The following LACTB2 variants were observed in gnomAD, a reference collection of about 807,000 sequenced individuals.
The protein encoded by LACTB2 is lactamase beta 2, also known as endoribonuclease LACTB2.
In LACTB2, 32 loss-of-function variants were observed where a neutral mutation model predicts 34.8. The ratio of observed to expected loss-of-function variants is 0.92; its 90% CI spans 0.69 to 1.24. The LOEUF (loss-of-function observed/expected upper bound fraction) is 1.24. Ranked by LOEUF, LACTB2 falls within the 50% of genes most tolerant of loss-of-function variation. The pLI is 0.00. For synonymous variants in LACTB2, 120 were observed against 117.5 expected (o/e 1.02, Z -0.14); for missense variants, 320 against 345.0 (o/e 0.93, Z 0.57).
At chr8:70,661,713 T>C in intron 2 of LACTB2, 21 bp downstream of exon 2, 1 of 1,600,508 alleles carries the variant, frequency 6.2e-7, no homozygotes, top group South Asian at 1.1e-5. Flanking sequence ...TCAATGAGCT[T>C]AATGAATGTT....
At chr8:70,653,355 A>G (rs1818369500) in intron 3 of LACTB2, among the ~76,000 whole-genome samples, 1 of 152,080 alleles carries the variant, frequency 6.6e-6, no homozygotes, top group African/African-American at 2.4e-5. Context: ...TTGGCCTCCC[A>G]AAGTACTGGG....
rs1818221357 is a variant in LACTB2, at chr8:70,643,208, C to CATTTTTTTTTTTTTTTTTTTTTTTTTTTT, written c.592+856_592+857insAAAAAAAAAAAAAAAAAAAAAAAAAAAAT. Among the ~76,000 whole-genome samples the CATTTTTTTTTTTTTTTTTTTTTTTTTTTT allele has an allele frequency of 2.6e-5, 2 of 76,194 alleles. 1 individual carries two copies. The allele number at this position is 76,194 out of a possible 152,430, so 50.0% of individuals were successfully genotyped here. ...AGACAGGACTTAGGGGTGTATTTTCCTTTTTTTTTTTTTTTTTTTTTTTTT... is the reference window on the plus strand; with the variant it reads ...AGACAGGACTTAGGGGTGTATTTTCCATTTTTTTTTTTTTTTTTTTTTTTTTTTTTTTTTTTTTTTTTTTTTTTTTTTTT... On this transcript the variant is annotated intron_variant, in intron 4 of 6. Coordinates refer to ENST00000276590, the MANE Select transcript of LACTB2 (RefSeq NM_016027.3).
intron 5 of LACTB2, among the ~76,000 whole-genome samples, chr8:70,639,228 C>T (rs1316156511): frequency 2.0e-5 from 3 of 151,774 alleles, no homozygotes; most frequent in East Asian, 1.9e-4. Flanking sequence ...GGCGCGATCT[C>T]GGCTCACTGC....
rs765403731 is a variant in LACTB2 at position 70,668,988 on chromosome 8, G to A, written c.122+11C>T. 10 of 1,575,826 alleles carry A rather than the reference G, an allele frequency of 6.3e-6. No individual in the cohort carries two copies. The Admixed American group carries it at 1.7e-4, about 27-fold the overall frequency. ...CTGCGAACGTTGGGGAGGTTGGAGA[G>A]GGACGTTTACCTGGGGCCGGTCCCC... On this transcript the variant is annotated intron_variant, in intron 1 of 6. Coordinates refer to ENST00000276590, the MANE Select transcript of LACTB2 (RefSeq NM_016027.3).
At chr8:70,643,962 G>C (rs1818231590) in intron 4 of LACTB2, 103 bp downstream of exon 4, 1 of 1,206,780 alleles carries the variant, frequency 8.3e-7, no homozygotes, top group African/African-American at 1.6e-5. Context: ...TGAGGTGGGA[G>C]GACTGCTTGA....
At chr8:70,664,059 CT>C (rs1313040672) in intron 1 of LACTB2, among the ~76,000 whole-genome samples, 1 of 152,116 alleles carries the variant, frequency 6.6e-6, no homozygotes, top group East Asian at 1.9e-4. Flanking sequence ...CCCACCCATC[CT>C]AGATTTTGGC....
chr8:70,644,381 T>C, intron 3 of LACTB2, 138 bp from the exon 4 acceptor site: 1 of 511,888 alleles, frequency 2.0e-6, no homozygotes, highest in Non-Finnish European at 3.2e-6. Context: ...TTTCTTTTCT[T>C]GAACCCACTG....
intron 3 of LACTB2, 132 bp from the exon 4 acceptor site, chr8:70,644,375 T>C: frequency 1.8e-6 from 1 of 565,744 alleles, no homozygotes; most frequent in Non-Finnish European, 2.8e-6. Flanking sequence ...CTGCTTTTTC[T>C]TTTCTTGAAC....
chr8:70,643,956 G>A, intron 4 of LACTB2, 109 bp downstream of exon 4: 1 of 1,160,464 alleles, frequency 8.6e-7, no homozygotes, highest in South Asian at 2.4e-5. Context: ...GGAGGTTGAG[G>A]TGGGAGGACT....
chr8:70,651,677 ATTTG>A (rs1215722862), intron 3 of LACTB2: 1 of 134,630 alleles, frequency 7.4e-6, no homozygotes, highest in African/African-American at 3.0e-5. Flanking sequence ...ACAGAAAACA[ATTTG>A]TTTTTCTGTG....
rs66482767 is a variant in LACTB2 at position 70,643,208 on chromosome 8, CTTTTTTTTTTTTTT to C, written c.592+843_592+856del. Among the ~76,000 whole-genome samples, 127 of 76,218 alleles carry C rather than the reference CTTTTTTTTTTTTTT, an allele frequency of 1.7e-3. 2 individuals carry two copies. The highest frequency in any genetic ancestry group is 3.0e-3 in the Admixed American group (16 of 5,418). 50.0% of individuals were successfully genotyped at this position (76,218 alleles called of 152,430 possible). On this transcript the variant is annotated intron_variant, in intron 4 of 6. Transcript: ENST00000276590. The stretch of plus-strand genomic sequence containing the variant: ...AGACAGGACTTAGGGGTGTATTTTC[CTTTTTTTTTTTTTT>C]TTTTTTTTTTTTTTTTTTTGAGACA...
At chr8:70,640,364 G>A (rs540372803) in intron 5 of LACTB2, among the ~76,000 whole-genome samples, 1 of 147,172 alleles carries the variant, frequency 6.8e-6, no homozygotes, top group African/African-American at 2.5e-5. Flanking sequence ...ATATAGTGCT[G>A]TCAATACAGT....
intron 3 of LACTB2, among the ~76,000 whole-genome samples, chr8:70,647,739 A>T (rs1249523778): frequency 6.6e-6 from 1 of 152,192 alleles, no homozygotes; most frequent in East Asian, 1.9e-4. Context: ...AAGTCTAAGG[A>T]TTTAGGAAAT....
At chr8:70,653,480 T>C (rs1818371332) in intron 3 of LACTB2, among the ~76,000 whole-genome samples, 1 of 152,216 alleles carries the variant, frequency 6.6e-6, no homozygotes, top group South Asian at 2.1e-4. Flanking sequence ...GGGGCACCAA[T>C]TTAAAAGAGG....
At chr8:70,639,423 G>C (rs1818168088) in intron 5 of LACTB2, among the ~76,000 whole-genome samples, 1 of 151,874 alleles carries the variant, frequency 6.6e-6, no homozygotes, top group Non-Finnish European at 1.5e-5. Context: ...GCCTCCCAAA[G>C]TGCTGGGATT....
At position 70,638,610 on chromosome 8, in the gene LACTB2, T is replaced by C. The variant is rs765014376; in HGVS notation, c.761A>G (p.His254Arg). ...IIYKNTPENL[H>R]EMAKHNLLLH... ...TAAGAGATTATGTTTAGCCATTTCA[T>C]GTAAATTCTCAGGAGTATTCTAAAA... The change falls in exon 6 of 7, where the codon CAT becomes CGT. Residue 254 changes from histidine to arginine, a missense_variant. Physicochemically the swap from His to Arg is conservative, Grantham distance 29. Coordinates refer to ENST00000276590, the MANE Select transcript of LACTB2 (RefSeq NM_016027.3). 1 of 1,470,464 alleles carries C rather than the reference T, an allele frequency of 6.8e-7. No homozygotes were observed. The highest frequency in any genetic ancestry group is 2.6e-5 in the Admixed American group (1 of 38,626). 91.1% of individuals were successfully genotyped at this position (1,470,464 alleles called of 1,614,324 possible).
At chr8:70,649,944 AC>A (rs1818317577) in intron 3 of LACTB2, among the ~76,000 whole-genome samples, 1 of 152,228 alleles carries the variant, frequency 6.6e-6, no homozygotes, top group African/African-American at 2.4e-5. Flanking sequence ...TCTAGAAGCC[AC>A]AGTAATAAGT....
chr8:70,638,482 A>C (rs1231384807), intron 6 of LACTB2, 66 bp downstream of exon 6: 1 of 1,455,602 alleles, frequency 6.9e-7, no homozygotes, highest in Non-Finnish European at 9.2e-7. Context: ...TCCTCAAAGG[A>C]AACTAAGGCA....
Position 70,640,987 on chromosome 8 carries a change from A to G in LACTB2, c.656T>C (p.Ile219Thr), listed in dbSNP as rs368252116. 256 of 1,609,804 alleles carry G rather than the reference A, an allele frequency of 1.6e-4. No individual in the cohort carries two copies. Among genetic ancestry groups the G allele is most frequent in the Non-Finnish European group, 2.1e-4 (246 of 1,178,712 alleles). Residue 219 changes from isoleucine to threonine, a missense_variant, in exon 5 of 7, where the codon ATT becomes ACT. Physicochemically the swap from Ile to Thr is moderately conservative, Grantham distance 89 (BLOSUM62 -1). Coordinates refer to ENST00000276590, the MANE Select transcript of LACTB2 (RefSeq NM_016027.3). ...KIQQYISHRN[I>T]REQQILTLFR... The stretch of plus-strand genomic sequence containing the variant: ...TAATGTAAGAATTTGCTGCTCTCGA[A>G]TATTTCTGTGAGAAATGTATTGTTG...
Sources: allele counts gnomAD v4.1 joint callset (sites outside exome capture counted in the v4.1 genomes callset), GRCh38; gene constraint gnomAD v4.1.1; transcripts MANE v1.5; gene names NCBI Gene and HGNC (gene_info 2026-07-23, HGNC 2026-07-21).